TSPEAR: variants seen among roughly 807,000 people sequenced by gnomAD.
TSPEAR encodes thrombospondin-type laminin G domain and EAR repeat-containing protein.
In TSPEAR, 69 loss-of-function variants were observed where a neutral mutation model predicts 71.6. That is an observed-to-expected ratio of 0.96 (90% CI 0.79 to 1.18). TSPEAR has a LOEUF of 1.18. Among genes scored for constraint, TSPEAR ranks in the 50% most tolerant of loss-of-function variants. TSPEAR has a pLI of 0.00. For synonymous variants in TSPEAR, 402 were observed against 387.2 expected (o/e 1.04, Z -0.45); for missense variants, 971 against 894.9 (o/e 1.09, Z -1.09).
At position 44,528,578 on chromosome 21, in the gene TSPEAR, T is replaced by C. The variant is rs1253582682; in HGVS notation, c.796A>G (p.Asn266Asp). The change falls in exon 6 of 12, where the codon AAC becomes GAC. Residue 266 changes from asparagine to aspartate, a missense_variant. Physicochemically the swap from Asn to Asp is conservative, Grantham distance 23. Transcript: ENST00000323084. ...NEVLKYPYET[N>D]IRVTLGPQPP... The stretch of plus-strand genomic sequence containing the variant: ...TGGGGTCCCAGCGTCACTCGAATGT[T>C]GGTTTCTGAGGGGAAGACCAGGAAG... The C allele has an allele frequency of 3.1e-6, 5 of 1,613,642 alleles. No homozygotes were observed. The African/African-American group carries it at 6.7e-5, about 22-fold the overall frequency.
In TSPEAR at chr21:44,548,927, G is replaced by T. The variant is rs138277167; in HGVS notation, c.304-15004C>A. ...TAGAAACACCCACAGAGGTGTTAGA[G>T]ATAGAACTCAGAGTCGTAAGGAAAA... is the stretch of plus-strand genomic sequence containing the variant. On this transcript the variant is annotated intron_variant, in intron 2 of 11. Transcript: ENST00000323084. 8.4e-3 allele frequency among the ~76,000 whole-genome samples: 1,275 copies of T among 152,380 alleles called. 12 individuals carry two copies. The highest frequency in any genetic ancestry group is 0.014 in the Non-Finnish European group (978 of 68,036).
chr21:44,646,481 T>C, intron 1 of TSPEAR: 2 of 1,612,778 alleles, frequency 1.2e-6, no homozygotes, highest in African/African-American at 1.3e-5. Context: ...ACCATGTCTG[T>C]CTGCTCCAGC....
At chr21:44,637,537 G>C in intron 1 of TSPEAR, 1 of 1,613,538 alleles carries the variant, frequency 6.2e-7, no homozygotes, top group South Asian at 1.1e-5. Flanking sequence ...GCTTGACCCT[G>C]GTCTGCACCC....
At position 44,523,273 on chromosome 21, in the gene TSPEAR, A is replaced by G. The variant is rs116469390; in HGVS notation, c.1337-1161T>C. On this transcript the variant is annotated intron_variant, in intron 8 of 11. Transcript: ENST00000323084. Reference sequence around the variant, plus strand: ...AGTCAGTCAGTTAGCCAGCCAGCCAATTAGTCAGTGAGGTATTCAGTCAGT... The same window carrying G: ...AGTCAGTCAGTTAGCCAGCCAGCCAGTTAGTCAGTGAGGTATTCAGTCAGT... 3.1e-3 allele frequency among the ~76,000 whole-genome samples: 462 copies of G among 151,326 alleles called. 4 individuals are homozygous for G. Among genetic ancestry groups the G allele is most frequent in the African/African-American group, 0.01 (430 of 41,078 alleles).
chr21:44,657,893 A>G, intron 1 of TSPEAR: 1 of 1,310,342 alleles, frequency 7.6e-7, no homozygotes, highest in Non-Finnish European at 1.1e-6. Flanking sequence ...TACCCAGATG[A>G]CAGGACCCAG....
At chr21:44,512,836 G>A (rs1402038408) in intron 9 of TSPEAR, among the ~76,000 whole-genome samples, 3 of 152,186 alleles carry the variant, frequency 2.0e-5, no homozygotes, top group Non-Finnish European at 2.9e-5. Flanking sequence ...CGGAGTGAAT[G>A]CTGTGTGGTC....
chr21:44,580,288 C>G (rs376100737), intron 1 of TSPEAR: 46 of 1,602,054 alleles, frequency 2.9e-5, no homozygotes, highest in Non-Finnish European at 3.5e-5. Flanking sequence ...GCAGGCAGCA[C>G]ACAGGCTTGC....
intron 1 of TSPEAR, among the ~76,000 whole-genome samples, chr21:44,571,943 G>C (rs73907028): frequency 0.022 from 3,379 of 152,318 alleles, 131 homozygotes; most frequent in African/African-American, 0.077. Flanking sequence ...CCGTGCGGGC[G>C]AGGCCCCCGG....
chr21:44,641,878 G>A (rs587609976), intron 1 of TSPEAR, among the ~76,000 whole-genome samples: 3 of 152,206 alleles, frequency 2.0e-5, no homozygotes, highest in South Asian at 2.1e-4. Flanking sequence ...ACAGGGATCC[G>A]GAAAATTTAC....
At chr21:44,524,249 A>C (rs894454748) in intron 8 of TSPEAR, among the ~76,000 whole-genome samples, 2 of 152,006 alleles carry the variant, frequency 1.3e-5, no homozygotes, top group Admixed American at 1.3e-4. Context: ...GTAGTCCATC[A>C]GTCAGCCAGC....
chr21:44,584,610 C>T (rs1413584826), intron 1 of TSPEAR, among the ~76,000 whole-genome samples: 1 of 150,782 alleles, frequency 6.6e-6, no homozygotes, highest in Non-Finnish European at 1.5e-5. Flanking sequence ...TCCTCTCTCC[C>T]TCTCTCTCTC....
intron 1 of TSPEAR, among the ~76,000 whole-genome samples, chr21:44,709,966 T>A (rs942206235): frequency 3.9e-5 from 6 of 152,244 alleles, no homozygotes; most frequent in Non-Finnish European, 7.3e-5. Context: ...CAACGTAGCT[T>A]CAGGGGAGAG....
chr21:44,525,277 G>T (rs2052831003), intron 8 of TSPEAR, among the ~76,000 whole-genome samples: 1 of 152,166 alleles, frequency 6.6e-6, no homozygotes, highest in Admixed American at 6.5e-5. Context: ...CAAGAAGTCA[G>T]GTAATTTAGT....
intron 5 of TSPEAR, among the ~76,000 whole-genome samples, chr21:44,528,894 G>A (rs898944919): frequency 3.3e-5 from 5 of 152,370 alleles, no homozygotes; most frequent in Admixed American, 3.3e-4. Flanking sequence ...CTCAGCGATT[G>A]CACAGGGCAT....
intron 1 of TSPEAR, among the ~76,000 whole-genome samples, chr21:44,589,638 G>A (rs1253640451): frequency 2.0e-5 from 3 of 152,214 alleles, no homozygotes; most frequent in Non-Finnish European, 4.4e-5. Context: ...CCAGAGCAGG[G>A]GTCAGAGGTG....
At chr21:44,702,338 C>T in intron 1 of TSPEAR, 1 of 1,609,200 alleles carries the variant, frequency 6.2e-7, no homozygotes, top group East Asian at 2.2e-5. Context: ...CTGGTCTGCA[C>T]CCCAGTGAGC....
intron 2 of TSPEAR, chr21:44,557,731 A>T: frequency 2.6e-6 from 1 of 382,220 alleles, no homozygotes; most frequent in Non-Finnish European, 4.8e-6. Flanking sequence ...CTCCCACCCC[A>T]CGCGGCACGT....
At position 44,593,076 on chromosome 21, in the gene TSPEAR, G is replaced by A. The variant is rs587607007; in HGVS notation, c.83-25071C>T. ...GCCTCTTCACCTCCGGCCCTGTTTC[G>A]TGTCCACCTCGTCTTTGTGTTTTGG... On this transcript the variant is annotated intron_variant, in intron 1 of 11. Coordinates refer to ENST00000323084, the MANE Select transcript of TSPEAR (RefSeq NM_144991.3). This position sits in a 1 kb window ranked among gnomAD's most constrained non-coding sequence, Gnocchi z 5.9. Among the ~76,000 whole-genome samples the A allele has an allele frequency of 1.3e-5, 2 of 152,294 alleles. No homozygotes were observed. The highest frequency in any genetic ancestry group is 2.1e-4 in the South Asian group (1 of 4,822).
intron 1 of TSPEAR, among the ~76,000 whole-genome samples, chr21:44,703,021 T>C (rs781790999): frequency 8.5e-5 from 13 of 152,078 alleles, no homozygotes; most frequent in Non-Finnish European, 1.8e-4. Flanking sequence ...GGGCCCCGGG[T>C]GTTCCCTGGT....
Sources: gnomAD v4.1 joint callset for allele counts (sites outside exome capture counted in the v4.1 genomes callset) on GRCh38, gnomAD v4.1.1 for gene constraint, Gnocchi (gnomAD v3.1) non-coding constraint, MANE v1.5 for transcripts, NCBI Gene and HGNC (gene_info 2026-07-23, HGNC 2026-07-21) for gene names.